The following VAV3 variants were observed in gnomAD, a reference collection of about 807,000 sequenced individuals.
VAV3 encodes vav guanine nucleotide exchange factor 3, also known as guanine nucleotide exchange factor VAV3.
In VAV3, 94 loss-of-function variants were observed where a neutral mutation model predicts 131.2. The observed-to-expected ratio is 0.72, with a 90% CI of 0.61 to 0.85. The LOEUF (loss-of-function observed/expected upper bound fraction) is 0.85. Ranked by LOEUF, VAV3 falls within the 40% of genes least tolerant of loss-of-function variation. The pLI is 0.00. For synonymous variants in VAV3, 349 were observed against 342.0 expected, an observed-to-expected ratio of 1.02 and a Z score of -0.22; for missense variants, 939 against 1,002.7, an observed-to-expected ratio of 0.94 and a Z score of 0.86.
At chr1:107,679,027 G>T (rs1340625370) in intron 19 of VAV3, among the ~76,000 whole-genome samples, 2 of 152,072 alleles carry the variant, frequency 1.3e-5, no homozygotes, top group Middle Eastern at 3.4e-3. Flanking sequence ...TTGCGGAAAG[G>T]GGCCATGTTT....
At chr1:107,751,675 G>A (rs182875266) in intron 12 of VAV3, among the ~76,000 whole-genome samples, 10 of 151,218 alleles carry the variant, frequency 6.6e-5, no homozygotes, top group East Asian at 3.9e-4. Flanking sequence ...AGAAAGGGGC[G>A]GGGGGGCGCG....
intron 1 of VAV3, among the ~76,000 whole-genome samples, chr1:107,881,826 T>C (rs1334126297): frequency 1.3e-5 from 2 of 152,170 alleles, no homozygotes; most frequent in Admixed American, 1.3e-4. Context: ...CTTTTCAAGG[T>C]GCAGCCTCCT....
intron 1 of VAV3, among the ~76,000 whole-genome samples, chr1:107,927,588 T>C (rs557705142): frequency 2.6e-5 from 4 of 152,142 alleles, no homozygotes; most frequent in Non-Finnish European, 4.4e-5. Context: ...GTAGCATTAA[T>C]GACAAGCTGT....
At chr1:107,766,142 T>C (rs1268981242) in intron 8 of VAV3, among the ~76,000 whole-genome samples, 3 of 152,182 alleles carry the variant, frequency 2.0e-5, no homozygotes, top group Non-Finnish European at 4.4e-5. Flanking sequence ...AATGACTTAC[T>C]GAAGATTACA....
Position 107,704,667 on chromosome 1 carries a change from GAA to G in VAV3, c.1605-19_1605-18del. On this transcript the variant is annotated intron_variant, in intron 16 of 26. Coordinates refer to ENST00000370056, the MANE Select transcript of VAV3 (RefSeq NM_006113.5). ...AATGTTCCCCTGAAAGGTGAAATAA[GAA>G]AGTGGTATATTAAACGGTGCAAAAT... is the stretch of plus-strand genomic sequence containing the variant. 6.3e-7 allele frequency: 1 copy of G among 1,595,432 alleles called. No homozygotes were observed. Among genetic ancestry groups the G allele is most frequent in the South Asian group, 1.1e-5 (1 of 90,200 alleles).
chr1:107,757,450 A>G (rs1471069857), intron 10 of VAV3, 121 bp from the exon 11 acceptor site: 8 of 856,684 alleles, frequency 9.3e-6, no homozygotes, highest in Middle Eastern at 3.2e-4. Flanking sequence ...GATAAATCTA[A>G]TATGTCTGGG....
chr1:107,922,253 C>CA (rs1282276355), intron 1 of VAV3, among the ~76,000 whole-genome samples: 3 of 148,420 alleles, frequency 2.0e-5, no homozygotes, highest in Non-Finnish European at 3.0e-5. Flanking sequence ...AACTGACTGC[C>CA]AAAAAAACCT....
chr1:107,924,848 A>T (rs921495355), intron 1 of VAV3, among the ~76,000 whole-genome samples: 1 of 152,090 alleles, frequency 6.6e-6, no homozygotes, highest in African/African-American at 2.4e-5. Flanking sequence ...ATTTAGGGAA[A>T]CTCTGGCAAA....
intron 1 of VAV3, among the ~76,000 whole-genome samples, chr1:107,888,307 A>G (rs1463035509): frequency 6.6e-6 from 1 of 152,190 alleles, no homozygotes; most frequent in East Asian, 1.9e-4. Flanking sequence ...CAACAAACCC[A>G]GTGTTTAAAC....
At chr1:107,607,886 G>A (rs551752341) in intron 22 of VAV3, among the ~76,000 whole-genome samples, 1 of 152,270 alleles carries the variant, frequency 6.6e-6, no homozygotes, top group East Asian at 1.9e-4. Flanking sequence ...TCAGTGACTT[G>A]AGAACTACCA....
rs566633571 is a variant in VAV3, at chr1:107,918,261, G to GA, written c.205-43245dup. 4.1e-3 allele frequency among the ~76,000 whole-genome samples: 627 copies of GA among 152,180 alleles called. 3 individuals carry two copies. The highest frequency in any genetic ancestry group is 7.5e-3 in the Non-Finnish European group (508 of 68,008). ...AAATGAAAATATTACAGAATGAGATGAAAAACCCAAATATCATGATTTCAA... is the reference window on the plus strand; with the variant it reads ...AAATGAAAATATTACAGAATGAGATGAAAAAACCCAAATATCATGATTTCAA... On this transcript the variant is annotated intron_variant, in intron 1 of 26. Transcript: ENST00000370056.
At chr1:107,704,893 A>G (rs961561826) in intron 16 of VAV3, 67 bp downstream of exon 16, 7 of 1,480,934 alleles carry the variant, frequency 4.7e-6, no homozygotes, top group Non-Finnish European at 6.6e-6. Context: ...GAAGGTTAGA[A>G]AAGTCTGAAA....
At chr1:107,848,996 C>G (rs1395078512) in intron 2 of VAV3, among the ~76,000 whole-genome samples, 1 of 151,946 alleles carries the variant, frequency 6.6e-6, no homozygotes, top group Non-Finnish European at 1.5e-5. Context: ...AATAAAATAC[C>G]TAGGAATCCA....
chr1:107,920,775 A>G (rs1313210361), intron 1 of VAV3, among the ~76,000 whole-genome samples: 1 of 152,162 alleles, frequency 6.6e-6, no homozygotes, highest in African/African-American at 2.4e-5. Flanking sequence ...CCTTGTTTGT[A>G]CCTCTTACAG....
intron 15 of VAV3, among the ~76,000 whole-genome samples, chr1:107,735,532 C>T (rs567608341): frequency 2.0e-5 from 3 of 152,168 alleles, no homozygotes; most frequent in Non-Finnish European, 4.4e-5. Flanking sequence ...GATATCACCA[C>T]CGATCCCACA....
intron 1 of VAV3, among the ~76,000 whole-genome samples, chr1:107,953,339 C>A (rs1674647085): frequency 6.6e-6 from 1 of 152,150 alleles, no homozygotes; most frequent in East Asian, 1.9e-4. Flanking sequence ...CCACCATGTA[C>A]CAGGCATTTA....
chr1:107,667,069 G>A (rs1216818152), intron 19 of VAV3, among the ~76,000 whole-genome samples: 1 of 152,174 alleles, frequency 6.6e-6, no homozygotes, highest in African/African-American at 2.4e-5. Flanking sequence ...CAACAGCATG[G>A]CTATGGCCTC....
chr1:107,848,454 A>C (rs1669073358), intron 2 of VAV3, among the ~76,000 whole-genome samples: 1 of 152,162 alleles, frequency 6.6e-6, no homozygotes, highest in Admixed American at 6.5e-5. Flanking sequence ...CCATCACATA[A>C]ACAGAACCAA....
At chr1:107,850,207 A>C (rs1048844288) in intron 2 of VAV3, among the ~76,000 whole-genome samples, 1 of 152,186 alleles carries the variant, frequency 6.6e-6, no homozygotes, top group Non-Finnish European at 1.5e-5. Flanking sequence ...TTGACCCAGC[A>C]ATCCCATTAC....
Sources: gnomAD v4.1 joint callset for allele counts (sites outside exome capture counted in the v4.1 genomes callset) on GRCh38, gnomAD v4.1.1 for gene constraint, MANE v1.5 for transcripts, NCBI Gene and HGNC (gene_info 2026-07-23, HGNC 2026-07-21) for gene names.